Variants in PLEKHG4B observed in about 807,000 individuals in gnomAD.
PLEKHG4B encodes pleckstrin homology domain-containing family G member 4B.
Under a neutral mutation model 121.3 loss-of-function variants are expected in PLEKHG4B, and 111 were observed. The ratio of observed to expected loss-of-function variants is 0.92; its 90% confidence interval spans 0.78 to 1.07. The LOEUF is 1.07. Among genes scored for constraint, PLEKHG4B ranks in the 50% least tolerant of loss-of-function variants. The pLI, the probability that PLEKHG4B is intolerant of heterozygous loss-of-function variation, is 0.00. For synonymous variants in PLEKHG4B, 738 were observed against 725.0 expected (o/e 1.02, Z -0.29); for missense variants, 1,831 against 1,757.8 (o/e 1.04, Z -0.74).
At chr5:107,175 G>A (rs1733998856) in intron 1 of PLEKHG4B, among the ~76,000 whole-genome samples, 1 of 152,174 alleles carries the variant, frequency 6.6e-6, no homozygotes, top group Non-Finnish European at 1.5e-5. Flanking sequence ...ATCTCTGCCT[G>A]CTGGAGGAGG....
At chr5:179,624 C>T (rs1221399817) in intron 18 of PLEKHG4B, 1 of 152,720 alleles carries the variant, frequency 6.5e-6, no homozygotes, top group Non-Finnish European at 1.5e-5. Context: ...CTGGCTGTCC[C>T]CAGGCCAGCT....
chr5:169,308 C>T (rs200697190), intron 13 of PLEKHG4B, 32 bp from the exon 14 acceptor site: 140 of 1,610,932 alleles, frequency 8.7e-5, no homozygotes, highest in East Asian at 8.0e-4. Flanking sequence ...CGTGGGGGGC[C>T]GTGTGCCCCC....
chr5:178,068 G>A (rs1020087129), intron 18 of PLEKHG4B, among the ~76,000 whole-genome samples: 1 of 152,234 alleles, frequency 6.6e-6, no homozygotes, highest in Non-Finnish European at 1.5e-5. Context: ...TGCCCTGTGT[G>A]CTTAGGAAAT....
intron 13 of PLEKHG4B, 25 bp downstream of exon 13, chr5:163,573 C>A: frequency 6.6e-7 from 1 of 1,521,156 alleles, no homozygotes; most frequent in Non-Finnish European, 8.8e-7. Context: ...CCCCTCCTCT[C>A]GTCCTAGCAG....
At chr5:167,700 C>T (rs148526322) in intron 13 of PLEKHG4B, among the ~76,000 whole-genome samples, 2 of 152,340 alleles carry the variant, frequency 1.3e-5, no homozygotes, top group East Asian at 3.9e-4. Flanking sequence ...AGTCCCGCCG[C>T]CCAGGCCAGG....
intron 1 of PLEKHG4B, among the ~76,000 whole-genome samples, chr5:95,434 G>A (rs1029324349): frequency 3.9e-5 from 6 of 152,108 alleles, no homozygotes; most frequent in African/African-American, 1.4e-4. Context: ...TCCGGCCCTG[G>A]GGAGGGTCTG....
chr5:164,889 A>C (rs768985280), intron 13 of PLEKHG4B, among the ~76,000 whole-genome samples: 2 of 56,684 alleles, frequency 3.5e-5, no homozygotes, highest in South Asian at 6.6e-4. Context: ...GACGGGGCGG[A>C]GCTCACACAG....
At chr5:158,654 A>G (rs1348142981) in intron 11 of PLEKHG4B, among the ~76,000 whole-genome samples, 8 of 96,274 alleles carry the variant, frequency 8.3e-5, no homozygotes, top group African/African-American at 2.5e-4. Context: ...CCCTCTGCCC[A>G]TCCTGGGGGA....
intron 2 of PLEKHG4B, among the ~76,000 whole-genome samples, chr5:118,316 A>G (rs931078023): frequency 1.3e-5 from 2 of 152,230 alleles, no homozygotes; most frequent in Non-Finnish European, 2.9e-5. Flanking sequence ...CAGACGGGGT[A>G]AGCAGACCAC....
Position 175,014 on chromosome 5 carries a change from C to T in PLEKHG4B, c.4402+916C>T, listed in dbSNP as rs550518175. On this transcript the variant is annotated intron_variant, in intron 18 of 19. Coordinates refer to ENST00000637938, the MANE Select transcript of PLEKHG4B (RefSeq NM_052909.5). Reference sequence around the variant, plus strand: ...GCACCTGGGGGCTCCTCGGTCAGCACTTGACAAGAAAGCTCTTGGATTGGC... The same window carrying T: ...GCACCTGGGGGCTCCTCGGTCAGCATTTGACAAGAAAGCTCTTGGATTGGC... Among the ~76,000 whole-genome samples, 123 of 152,226 alleles carry T rather than the reference C, an allele frequency of 8.1e-4. 1 individual carries two copies. The highest frequency in any genetic ancestry group is 2.6e-4 in the Non-Finnish European group (18 of 67,990).
chr5:168,825 C>T (rs1323409845), intron 13 of PLEKHG4B, among the ~76,000 whole-genome samples: 2 of 150,124 alleles, frequency 1.3e-5, no homozygotes, highest in Non-Finnish European at 2.9e-5. Flanking sequence ...GCAGGTGAGT[C>T]GCTCCTTGCT....
intron 1 of PLEKHG4B, among the ~76,000 whole-genome samples, chr5:93,989 T>C (rs936524484): frequency 2.0e-5 from 3 of 152,152 alleles, no homozygotes; most frequent in African/African-American, 7.2e-5. Flanking sequence ...GAGTTTGTCC[T>C]CTCTTTGCGT....
rs115843378 is a variant in PLEKHG4B at position 182,047 on chromosome 5, C to T, written c.4608C>T (p.His1536=). The T allele has an allele frequency of 1.4e-5, 23 of 1,614,154 alleles. No individual in the cohort carries two copies. The African/African-American group carries it at 1.6e-4, about 11-fold the overall frequency. ...RGSTAVSSSD[H]AAPFKRPHST... is the part of the protein sequence containing the mutation. ...CCACAGCGGTGTCCTCCTCTGACCA[C>T]GCCGCCCCCTTCAAGCGACCACACT... The change falls in exon 20 of 20, where the codon CAC becomes CAT. Residue 1536 remains histidine (H), a synonymous_variant. Transcript: ENST00000637938.
chr5:173,886 A>G (rs373329988), intron 17 of PLEKHG4B, 32 bp from the exon 18 acceptor site: 8 of 1,604,436 alleles, frequency 5.0e-6, no homozygotes, highest in Non-Finnish European at 6.0e-6. Context: ...CATGTTCCTG[A>G]TGGTGCTGCA....
intron 18 of PLEKHG4B, among the ~76,000 whole-genome samples, chr5:176,250 T>A (rs1364094999): frequency 4.7e-5 from 6 of 128,056 alleles, no homozygotes; most frequent in South Asian, 3.0e-4. Flanking sequence ...AGAGCCTTCC[T>A]GGCCTTTTTC....
At chr5:162,641 C>G (rs1057161709) in intron 12 of PLEKHG4B, 81 bp from the exon 13 acceptor site, 3 of 1,078,398 alleles carry the variant, frequency 2.8e-6, no homozygotes, top group Non-Finnish European at 3.7e-6. Flanking sequence ...AATAGGCTGA[C>G]CTGGGGAACA....
At chr5:180,922 C>T (rs769797837) in intron 18 of PLEKHG4B, among the ~76,000 whole-genome samples, 6 of 152,262 alleles carry the variant, frequency 3.9e-5, no homozygotes, top group Non-Finnish European at 8.8e-5. Flanking sequence ...TCTTCCCGTT[C>T]TCCCAAGACC....
At chr5:180,705 A>G (rs574594051) in intron 18 of PLEKHG4B, among the ~76,000 whole-genome samples, 3 of 152,330 alleles carry the variant, frequency 2.0e-5, no homozygotes, top group Admixed American at 1.3e-4. Context: ...GTCCACGTGC[A>G]CAGCTCTAAC....
At chr5:166,525 C>G (rs1327557387) in intron 13 of PLEKHG4B, among the ~76,000 whole-genome samples, 1 of 104,292 alleles carries the variant, frequency 9.6e-6, no homozygotes, top group African/African-American at 3.3e-5. Context: ...GGAGCTCACA[C>G]TAATGCTCTG....
Sources: allele counts gnomAD v4.1 joint callset (sites outside exome capture counted in the v4.1 genomes callset), GRCh38; gene constraint gnomAD v4.1.1; transcripts MANE v1.5; gene names NCBI Gene and HGNC (gene_info 2026-07-23, HGNC 2026-07-21).